Variants in MFN1 observed in about 807,000 individuals in gnomAD.
MFN1 encodes mitofusin 1, also known as mitofusin-1.
A neutral mutation model predicts 92.4 loss-of-function variants in MFN1; 65 were observed. That is an observed-to-expected ratio of 0.70 (90% CI 0.58 to 0.86). MFN1 has a LOEUF of 0.86. MFN1 is among the 40% of genes least tolerant of loss of function. The pLI is 0.00. For missense variants in MFN1, 781 were observed against 868.0 expected (o/e 0.90, Z 1.26); for synonymous variants, 297 against 300.9 (o/e 0.99, Z 0.13).
chr3:179,379,202 T>A (rs912095063), intron 14 of MFN1, among the ~76,000 whole-genome samples: 1 of 152,202 alleles, frequency 6.6e-6, no homozygotes, highest in Non-Finnish European at 1.5e-5. Context: ...TGAAGGGTAC[T>A]AAAATGGCAC....
intron 5 of MFN1, among the ~76,000 whole-genome samples, chr3:179,363,645 C>T (rs952031485): frequency 3.3e-5 from 5 of 151,792 alleles, no homozygotes; most frequent in Admixed American, 6.6e-5. Context: ...GGGCATGCCA[C>T]CAAGCCTAGC....
rs765009810 is a variant in MFN1, at chr3:179,359,015, A to G, written c.411+13A>G. On this transcript the variant is annotated intron_variant, in intron 4 of 17. Transcript: ENST00000471841. ...AAAGAGTGTGAAGGTATGATCTTTA[A>G]CCTTTAGCAGAATAATATACCTGAA... 6.2e-7 allele frequency: 1 copy of G among 1,607,442 alleles called. No individual in the cohort carries two copies. Among genetic ancestry groups the G allele is most frequent in the East Asian group, 2.2e-5 (1 of 44,768 alleles).
intron 9 of MFN1, among the ~76,000 whole-genome samples, chr3:179,370,837 T>G (rs1352449819): frequency 6.6e-6 from 1 of 152,162 alleles, no homozygotes; most frequent in Non-Finnish European, 1.5e-5. Context: ...AGTACTAGTT[T>G]AGTTTTTGTT....
chr3:179,355,994 A>G (rs1272294834), intron 3 of MFN1, among the ~76,000 whole-genome samples: 1 of 152,018 alleles, frequency 6.6e-6, no homozygotes, highest in East Asian at 1.9e-4. Flanking sequence ...GGAAAATTAG[A>G]AAGCATTGGT....
Position 179,394,171 on chromosome 3 carries a change from A to AAAG in MFN1, c.*2113_*2115dup, listed in dbSNP as rs1394656585. On this transcript the variant is annotated 3_prime_UTR_variant, in exon 18 of 18. Transcript: ENST00000471841. ...CTATAATCAACCTTCAAACTTATAAAAAGTGTGGATCCTTGGGTCTGAACC... is the reference window on the plus strand; with the variant it reads ...CTATAATCAACCTTCAAACTTATAAAAAGAAGTGTGGATCCTTGGGTCTGAACC... The AAAG allele has an allele frequency of 6.6e-6, 1 of 152,252 alleles. No individual in the cohort carries two copies. Among genetic ancestry groups the AAAG allele is most frequent in the Admixed American group, 6.5e-5 (1 of 15,302 alleles). 9.4% of individuals were successfully genotyped at this position (152,252 alleles called of 1,614,324 possible).
intron 9 of MFN1, among the ~76,000 whole-genome samples, chr3:179,372,788 G>T (rs532007713): frequency 6.6e-6 from 1 of 152,104 alleles, no homozygotes; most frequent in Admixed American, 6.5e-5. Flanking sequence ...CTTCATCGAG[G>T]AATATAGACT....
chr3:179,359,127 C>CT (rs200503147), intron 4 of MFN1, 125 bp downstream of exon 4: 31,099 of 952,804 alleles, frequency 0.033, no homozygotes, highest in South Asian at 0.035. Flanking sequence ...TAATATTTTT[C>CT]TTTTTTTTTT....
At chr3:179,365,013 G>T in intron 6 of MFN1, 105 bp from the exon 7 acceptor site, 1 of 548,516 alleles carries the variant, frequency 1.8e-6, no homozygotes, top group Non-Finnish European at 3.1e-6. Flanking sequence ...TTTGTCAGTG[G>T]TGTTAATTAC....
intron 10 of MFN1, among the ~76,000 whole-genome samples, chr3:179,376,320 T>G (rs1713238457): frequency 2.6e-5 from 4 of 152,228 alleles, no homozygotes. Context: ...CTAGCTCAGT[T>G]GCTTTGATGT....
At chr3:179,381,807 A>G (rs1232541147) in intron 14 of MFN1, among the ~76,000 whole-genome samples, 1 of 152,216 alleles carries the variant, frequency 6.6e-6, no homozygotes, top group African/African-American at 2.4e-5. Context: ...TTGTGTTTGG[A>G]CTTGGGTCCC....
chr3:179,381,574 CG>C (rs1713468542), intron 14 of MFN1, among the ~76,000 whole-genome samples: 2 of 152,038 alleles, frequency 1.3e-5, no homozygotes, highest in African/African-American at 4.8e-5. Flanking sequence ...TGTGTGAATC[CG>C]TGTAAGAAAA....
At chr3:179,390,979 C>CA (rs1428001415) in intron 17 of MFN1, among the ~76,000 whole-genome samples, 1 of 152,152 alleles carries the variant, frequency 6.6e-6, no homozygotes, top group Admixed American at 6.5e-5. Context: ...ACCTTAGTTT[C>CA]AAAATCTCTG....
At chr3:179,390,166 T>A (rs1194423519) in intron 17 of MFN1, 28 bp downstream of exon 17, 2 of 1,500,042 alleles carry the variant, frequency 1.3e-6, no homozygotes, top group Non-Finnish European at 1.8e-6. Flanking sequence ...CTCAATAATT[T>A]GAACATTTAC....
intron 9 of MFN1, among the ~76,000 whole-genome samples, chr3:179,368,464 A>G (rs1346970151): frequency 6.6e-6 from 1 of 152,258 alleles, no homozygotes; most frequent in Non-Finnish European, 1.5e-5. Flanking sequence ...AGAGCAAAGT[A>G]AGCATTATCC....
intron 10 of MFN1, among the ~76,000 whole-genome samples, chr3:179,375,699 G>A (rs904550822): frequency 4.6e-5 from 7 of 152,142 alleles, no homozygotes; most frequent in African/African-American, 1.7e-4. Flanking sequence ...TTCAACCCAC[G>A]ACCCATTTTT....
chr3:179,348,711 A>G, intron 1 of MFN1, 134 bp from the exon 2 acceptor site: 2 of 1,360,590 alleles, frequency 1.5e-6, no homozygotes, highest in South Asian at 3.4e-5. Context: ...CACTCCCAAA[A>G]AAGAATTACC....
chr3:179,364,356 C>T lies in MFN1; in HGVS notation c.596C>T (p.Ala199Val), dbSNP rs1284602755. The part of the protein sequence containing the change: ...DSWIDKFCLD[A>V]DVFVLVANSE... The stretch of plus-strand genomic sequence containing the variant: ...TGGATTGATAAGTTTTGCCTAGATG[C>T]TGATGTCTTTGTTTTGGTCGCAAAC... Residue 199 changes from alanine (A) to valine (V), a missense_variant, in exon 6 of 18, where the codon GCT (alanine) becomes GTT (valine). Physicochemically the swap from Ala to Val is moderately conservative, Grantham distance 64. Coordinates refer to ENST00000471841, the MANE Select transcript of MFN1 (RefSeq NM_033540.3). 1 of 1,613,878 alleles carries T rather than the reference C, an allele frequency of 6.2e-7. No homozygotes were observed. The highest frequency in any genetic ancestry group is 8.5e-7 in the Non-Finnish European group (1 of 1,179,848).
chr3:179,391,129 GTTTT>G (rs1713883767), intron 17 of MFN1, among the ~76,000 whole-genome samples: 6 of 151,966 alleles, frequency 3.9e-5, no homozygotes, highest in Admixed American at 3.9e-4. Flanking sequence ...GTAGAAATTG[GTTTT>G]TTGTCTTAAC....
Position 179,378,790 on chromosome 3 carries a change from A to C in MFN1, c.1638A>C (p.Leu546=), listed in dbSNP as rs148467818. The C allele has an allele frequency of 1.2e-6, 2 of 1,612,976 alleles. No homozygotes were observed. The highest frequency in any genetic ancestry group is 1.7e-6 in the Non-Finnish European group (2 of 1,179,238). ...CTAGAAATGCTCAAAGGGTGCTCCTAGGATTATCAGAGCCTATCTTTCAGG... is the reference window on the plus strand; with the variant it reads ...CTAGAAATGCTCAAAGGGTGCTCCTCGGATTATCAGAGCCTATCTTTCAGG... The part of the protein sequence containing the change: ...LGPRNAQRVL[L]GLSEPIFQLP... The change falls in exon 14 of 18, where the codon CTA becomes CTC. Residue 546 remains leucine, a synonymous_variant. Coordinates refer to ENST00000471841, the MANE Select transcript of MFN1 (RefSeq NM_033540.3).
Sources: gnomAD v4.1 joint callset for allele counts (sites outside exome capture counted in the v4.1 genomes callset) on GRCh38, gnomAD v4.1.1 for gene constraint, MANE v1.5 for transcripts, NCBI Gene and HGNC (gene_info 2026-07-23, HGNC 2026-07-21) for gene names.